FTO: variants seen among roughly 807,000 people sequenced by gnomAD.
FTO encodes FTO alpha-ketoglutarate dependent dioxygenase.
Under a neutral mutation model 63.9 loss-of-function variants are expected in FTO, and 47 were observed. That is an observed-to-expected ratio of 0.74 (90% CI 0.58 to 0.94). The LOEUF is 0.94. Among genes scored for constraint, FTO ranks in the 40% least tolerant of loss-of-function variants. The pLI is 0.00. For synonymous variants in FTO, 207 were observed against 224.4 expected (o/e 0.92, Z 0.69); for missense variants, 562 against 618.1 (o/e 0.91, Z 0.96).
chr16:53,737,489 T>A (rs1191331288), intron 1 of FTO, among the ~76,000 whole-genome samples: 1 of 152,224 alleles, frequency 6.6e-6, no homozygotes, highest in Non-Finnish European at 1.5e-5. Context: ...TGTAGGCAAT[T>A]GTAGCACAAT....
chr16:54,040,728 G>T (rs758962148), intron 8 of FTO: 1 of 152,188 alleles, frequency 6.6e-6, no homozygotes, highest in South Asian at 2.1e-4. Context: ...GCTTAATGTC[G>T]TGGAGAAACA....
chr16:53,794,549 A>G (rs1397429438), intron 1 of FTO, among the ~76,000 whole-genome samples: 1 of 152,206 alleles, frequency 6.6e-6, no homozygotes, highest in African/African-American at 2.4e-5. Flanking sequence ...GCTTAAAGCC[A>G]GGGGCAGGGA....
At chr16:53,982,053 C>T (rs2083557521) in intron 8 of FTO, 1 of 152,096 alleles carries the variant, frequency 6.6e-6, no homozygotes, top group African/African-American at 2.4e-5. Flanking sequence ...GCACTCCAGC[C>T]TGGGCGACAG....
At chr16:54,097,489 T>C (rs1273094028) in intron 8 of FTO, among the ~76,000 whole-genome samples, 1 of 152,102 alleles carries the variant, frequency 6.6e-6, no homozygotes, top group Non-Finnish European at 1.5e-5. Flanking sequence ...TACAGGGTAC[T>C]ATTACTTTTA....
At chr16:53,795,461 GT>G (rs1402860432) in intron 1 of FTO, among the ~76,000 whole-genome samples, 3 of 152,038 alleles carry the variant, frequency 2.0e-5, no homozygotes, top group African/African-American at 7.2e-5. Context: ...GTGTGTGTGT[GT>G]GTGTGCGTGC....
At chr16:53,863,011 T>C (rs1017083327) in intron 4 of FTO, among the ~76,000 whole-genome samples, 1 of 152,236 alleles carries the variant, frequency 6.6e-6, no homozygotes, top group African/African-American at 2.4e-5. Context: ...TTCTGCAGCA[T>C]GTTTTCTGCT....
intron 1 of FTO, among the ~76,000 whole-genome samples, chr16:53,722,140 T>C (rs200278556): frequency 6.6e-6 from 1 of 152,230 alleles, no homozygotes; most frequent in East Asian, 1.9e-4. Flanking sequence ...CCTTACCGAC[T>C]TTATTTCCTG....
chr16:53,969,723 C>T (rs2083275030), intron 8 of FTO, among the ~76,000 whole-genome samples: 1 of 152,206 alleles, frequency 6.6e-6, no homozygotes, highest in African/African-American at 2.4e-5. Context: ...ATGCAAACAT[C>T]TGCCTACAGC....
rs140111544 is a variant in FTO, at chr16:54,065,720, C to T, written c.1365-46042C>T. Among the ~76,000 whole-genome samples, 1,345 of 152,300 alleles carry T rather than the reference C, an allele frequency of 8.8e-3. 6 individuals carry two copies. Among genetic ancestry groups the T allele is most frequent in the Admixed American group, 0.014 (212 of 15,304 alleles). ...AAACTATTCGCAGAGAAAACCGGGC[C>T]ACCTCTTGGACCTTTCTGGGAATGG... On this transcript the variant is annotated intron_variant, in intron 8 of 8. Transcript: ENST00000471389.
At chr16:54,048,093 C>T (rs1326511154) in intron 8 of FTO, among the ~76,000 whole-genome samples, 2 of 76,520 alleles carry the variant, frequency 2.6e-5, no homozygotes, top group African/African-American at 1.1e-4. Flanking sequence ...GCACATGTAC[C>T]CTAAAACTTA....
At chr16:54,105,940 G>A (rs1477060954) in intron 8 of FTO, among the ~76,000 whole-genome samples, 4 of 152,078 alleles carry the variant, frequency 2.6e-5, no homozygotes, top group African/African-American at 9.7e-5. Context: ...TAGGGACAAG[G>A]AAGAAGACCG....
intron 8 of FTO, among the ~76,000 whole-genome samples, chr16:54,002,444 A>G (rs1431997228): frequency 6.6e-6 from 1 of 152,174 alleles, no homozygotes; most frequent in East Asian, 1.9e-4. Flanking sequence ...GTACGAGGTA[A>G]CTCCACTTTC....
chr16:53,914,253 C>CT (rs1419011526), intron 7 of FTO, among the ~76,000 whole-genome samples: 1 of 144,152 alleles, frequency 6.9e-6, no homozygotes, highest in East Asian at 1.9e-4. Context: ...TTCTTTCTTT[C>CT]TTTTTTCTTT....
chr16:54,099,549 G>C (rs985305781), intron 8 of FTO, among the ~76,000 whole-genome samples: 3 of 152,152 alleles, frequency 2.0e-5, no homozygotes, highest in Non-Finnish European at 4.4e-5. Flanking sequence ...AGTCATGCAA[G>C]TTTCGGGTGA....
At chr16:53,760,707 A>C (rs1214071300) in intron 1 of FTO, among the ~76,000 whole-genome samples, 1 of 140,748 alleles carries the variant, frequency 7.1e-6, no homozygotes, top group Non-Finnish European at 1.5e-5. Flanking sequence ...GCTCACTGCA[A>C]CCTCCGCCTC....
At chr16:53,831,499 T>G (rs549236522) in intron 3 of FTO, among the ~76,000 whole-genome samples, 1 of 152,346 alleles carries the variant, frequency 6.6e-6, no homozygotes, top group South Asian at 2.1e-4. Flanking sequence ...TACATTTTTT[T>G]CATGCCTATG....
intron 8 of FTO, among the ~76,000 whole-genome samples, chr16:54,048,680 T>C (rs2085242189): frequency 2.0e-5 from 3 of 152,164 alleles, no homozygotes; most frequent in South Asian, 4.1e-4. Flanking sequence ...GTCGGCCTGA[T>C]AGATTAAACA....
intron 4 of FTO, among the ~76,000 whole-genome samples, chr16:53,846,126 C>T (rs1300639904): frequency 6.6e-6 from 1 of 152,142 alleles, no homozygotes; most frequent in Non-Finnish European, 1.5e-5. Context: ...GAATGGGTGG[C>T]AGGCATCTTA....
intron 8 of FTO, among the ~76,000 whole-genome samples, chr16:54,041,555 T>C (rs1435735735): frequency 6.6e-6 from 1 of 152,160 alleles, no homozygotes; most frequent in Non-Finnish European, 1.5e-5. Context: ...TTATCTCATA[T>C]AGGTCTAAGG....
Sources: allele counts gnomAD v4.1 joint callset (sites outside exome capture counted in the v4.1 genomes callset), GRCh38; gene constraint gnomAD v4.1.1; transcripts MANE v1.5; gene names NCBI Gene and HGNC (gene_info 2026-07-23, HGNC 2026-07-21).